Variants in PGR observed in about 807,000 individuals in gnomAD.
PGR encodes progesterone receptor.
Under a neutral mutation model 76.1 loss-of-function variants are expected in PGR, and 25 were observed. The observed-to-expected ratio is 0.33, with a 90% CI of 0.24 to 0.46. PGR has a LOEUF of 0.46. Ranked by LOEUF, PGR falls within the 20% of genes least tolerant of loss-of-function variation. The probability of loss-of-function intolerance (pLI) is 1.00; values close to 1 mark genes in which losing one functional copy is unlikely to be tolerated. For missense variants in PGR, 1,172 were observed against 1,225.3 expected (o/e 0.96, Z 0.65); for synonymous variants, 579 against 535.0 (o/e 1.08, Z -1.14).
At chr11:101,077,473 A>G (rs2135434063) in intron 3 of PGR, among the ~76,000 whole-genome samples, 1 of 152,330 alleles carries the variant, frequency 6.6e-6, no homozygotes, top group Non-Finnish European at 1.5e-5. Context: ...CCAAAACTAT[A>G]CTAGAATTGA....
Position 101,032,275 on chromosome 11 carries a change from C to A in PGR, c.*6841G>T, listed in dbSNP as rs1219797239. 1 of 232,808 alleles carries A rather than the reference C, an allele frequency of 4.3e-6. No homozygotes were observed. The highest frequency in any genetic ancestry group is 8.5e-6 in the Non-Finnish European group (1 of 117,888). 14.4% of individuals were successfully genotyped at this position (232,808 alleles called of 1,614,324 possible). The stretch of plus-strand genomic sequence containing the variant: ...TTCATGTTTATGATCATCATTTTCA[C>A]CAAAATAGTGCAACTTCCTCAAAAA... On this transcript the variant is annotated 3_prime_UTR_variant, in exon 8 of 8. Transcript: ENST00000325455.
chr11:101,037,794 C>A lies in PGR; in HGVS notation c.*1322G>T, dbSNP rs11571279. On this transcript the variant is annotated 3_prime_UTR_variant, in exon 8 of 8. Coordinates refer to ENST00000325455, the MANE Select transcript of PGR (RefSeq NM_000926.4). ...TGCAGAAATGTAACCAAAGAATGAT[C>A]GAAATCTACAGTAATACCAAGACAG... is the stretch of plus-strand genomic sequence containing the variant. 18 of 224,942 alleles carry A rather than the reference C, an allele frequency of 8.0e-5. No individual in the cohort carries two copies. Among genetic ancestry groups the A allele is most frequent in the Non-Finnish European group, 1.4e-4 (16 of 112,966 alleles). The allele number at this position is 224,942 out of a possible 1,614,324, so 13.9% of individuals were successfully genotyped here.
At chr11:101,084,585 G>T (rs577034927) in intron 3 of PGR, among the ~76,000 whole-genome samples, 1 of 151,738 alleles carries the variant, frequency 6.6e-6, no homozygotes, top group Non-Finnish European at 1.5e-5. Context: ...TTGAACCTGG[G>T]AGGTGGAGGT....
intron 2 of PGR, among the ~76,000 whole-genome samples, chr11:101,107,612 T>C (rs1270229212): frequency 1.3e-5 from 2 of 152,172 alleles, no homozygotes; most frequent in African/African-American, 4.8e-5. Flanking sequence ...ATTACAAAAC[T>C]ATTTGTCAAC....
intron 3 of PGR, among the ~76,000 whole-genome samples, chr11:101,084,684 A>T (rs1297412755): frequency 6.6e-6 from 1 of 151,986 alleles, no homozygotes; most frequent in African/African-American, 2.4e-5. Context: ...ACAGAGTGGC[A>T]AACCAGCTAG....
Position 101,041,938 on chromosome 11 carries a change from T to C in PGR, c.2646+7A>G. 4 of 1,607,166 alleles carry C rather than the reference T, an allele frequency of 2.5e-6. No homozygotes were observed. The highest frequency in any genetic ancestry group is 2.6e-6 in the Non-Finnish European group (3 of 1,173,944). ...CATTGATATTCTGGAATCAACCAAA[T>C]ACTTACATCATGCAAGTTATCAAGA... On this transcript the variant is annotated splice_region_variant and intron_variant, in intron 7 of 7. Coordinates refer to ENST00000325455, the MANE Select transcript of PGR (RefSeq NM_000926.4).
At position 101,035,982 on chromosome 11, in the gene PGR, T is replaced by A. The variant is rs1239498494; in HGVS notation, c.*3134A>T. On this transcript the variant is annotated 3_prime_UTR_variant, in exon 8 of 8. Coordinates refer to ENST00000325455, the MANE Select transcript of PGR (RefSeq NM_000926.4). ...GTATACGTTTTTTTTGGTTTCCATT[T>A]CTATTCATTACAAAGCACTTGGGAA... The A allele has an allele frequency of 1.8e-5, 4 of 227,504 alleles. No homozygotes were observed. Among genetic ancestry groups the A allele is most frequent in the Admixed American group, 1.1e-4 (2 of 17,576 alleles). The allele number at this position is 227,504 out of a possible 1,614,324, so 14.1% of individuals were successfully genotyped here.
chr11:101,120,522 T>C lies in PGR; in HGVS notation c.1789+5485A>G, dbSNP rs150869885. 4.1e-4 allele frequency among the ~76,000 whole-genome samples: 62 copies of C among 152,338 alleles called. No homozygotes were observed. In the East Asian group the frequency reaches 6.0e-3, roughly 15 times the overall value. On this transcript the variant is annotated intron_variant, in intron 2 of 7. Coordinates refer to ENST00000325455, the MANE Select transcript of PGR (RefSeq NM_000926.4). ...CTAAATATAATGATTTTTCATATTATGAAATATTAAGCAGTGGTTAAAAAA... is the reference window on the plus strand; with the variant it reads ...CTAAATATAATGATTTTTCATATTACGAAATATTAAGCAGTGGTTAAAAAA...
chr11:101,048,086 T>C (rs1231714296), intron 6 of PGR, among the ~76,000 whole-genome samples: 2 of 152,102 alleles, frequency 1.3e-5, no homozygotes, highest in South Asian at 2.1e-4. Flanking sequence ...TCATGTCCAA[T>C]AGAGGTTTGC....
At position 101,128,658 on chromosome 11, in the gene PGR, C is replaced by CTGGTGA; in HGVS notation, c.407_412dup (p.Thr137_Ser138insIleThr). On this transcript the variant is annotated inframe_insertion, in exon 1 of 8. Transcript: ENST00000325455. ...TTCGGGGCCAAACAGGCACCAAGAG[C>CTGGTGA]TGGTGACCTCGCAGGCGGGAGGGCT... 6.3e-7 allele frequency: 1 copy of CTGGTGA among 1,593,950 alleles called. No homozygotes were observed. Among genetic ancestry groups the CTGGTGA allele is most frequent in the South Asian group, 1.1e-5 (1 of 88,596 alleles).
At position 101,033,216 on chromosome 11, in the gene PGR, T is replaced by C; in HGVS notation, c.*5900A>G. On this transcript the variant is annotated 3_prime_UTR_variant, in exon 8 of 8. Coordinates refer to ENST00000325455, the MANE Select transcript of PGR (RefSeq NM_000926.4). ...TCTGCCATGTGAAAATCTCTTCCTATCCCTAATCATAGCAAATTCAGGGCT... is the reference window on the plus strand; with the variant it reads ...TCTGCCATGTGAAAATCTCTTCCTACCCCTAATCATAGCAAATTCAGGGCT... The C allele has an allele frequency of 4.8e-6, 1 of 208,534 alleles. No individual in the cohort carries two copies. The highest frequency in any genetic ancestry group is 7.3e-5 in the East Asian group (1 of 13,728). 12.9% of individuals were successfully genotyped at this position (208,534 alleles called of 1,614,324 possible). A position where few individuals can be genotyped will look rare whatever the true frequency, so the allele number is the denominator to read the frequency against.
At chr11:101,112,030 G>A (rs1009728936) in intron 2 of PGR, among the ~76,000 whole-genome samples, 2 of 152,142 alleles carry the variant, frequency 1.3e-5, no homozygotes, top group African/African-American at 4.8e-5. Flanking sequence ...GTATTTGCAG[G>A]AAGGTGGAGT....
At chr11:101,088,318 T>C (rs1469551098) in intron 3 of PGR, among the ~76,000 whole-genome samples, 1 of 152,156 alleles carries the variant, frequency 6.6e-6, no homozygotes, top group Non-Finnish European at 1.5e-5. Context: ...GAAATTGGTT[T>C]GAACACTTCT....
At chr11:101,075,178 C>T (rs1190429656) in intron 3 of PGR, among the ~76,000 whole-genome samples, 1 of 152,026 alleles carries the variant, frequency 6.6e-6, no homozygotes, top group African/African-American at 2.4e-5. Context: ...CACACATCTA[C>T]CATCTGATCT....
In PGR at chr11:101,127,958, G is replaced by A; in HGVS notation, c.1113C>T (p.Asp371=). The change falls in exon 1 of 8, where the codon GAC becomes GAT. Residue 371 remains aspartate, a synonymous_variant. Coordinates refer to ENST00000325455, the MANE Select transcript of PGR (RefSeq NM_000926.4). ...AGTCGCTATAGAGAGGGTACGCGTC[G>A]TCCTTGGGCTCGGCGTCGGGCGGGT... The part of the protein sequence containing the change: ...CAYPPDAEPK[D]DAYPLYSDFQ... 3 of 1,612,090 alleles carry A rather than the reference G, an allele frequency of 1.9e-6. No homozygotes were observed. The highest frequency in any genetic ancestry group is 2.5e-6 in the Non-Finnish European group (3 of 1,179,816).
At position 101,120,895 on chromosome 11, in the gene PGR, T is replaced by A. The variant is rs574241180; in HGVS notation, c.1789+5112A>T. Among the ~76,000 whole-genome samples the A allele has an allele frequency of 2.0e-5, 3 of 152,358 alleles. No individual in the cohort carries two copies. In the East Asian group the frequency reaches 5.8e-4, roughly 29 times the overall value. ...TAGCACGCATGGCTAATACCACTGC[T>A]TCTCCTCTGGCTCTTGTAGTGGTAT... is the stretch of plus-strand genomic sequence containing the variant. On this transcript the variant is annotated intron_variant, in intron 2 of 7. Transcript: ENST00000325455.
intron 4 of PGR, among the ~76,000 whole-genome samples, chr11:101,059,561 C>A (rs1012712790): frequency 1.3e-5 from 2 of 151,832 alleles, no homozygotes; most frequent in African/African-American, 4.8e-5. Flanking sequence ...GGGTGGGGTG[C>A]GGTGAGTCAT....
In PGR at chr11:101,129,136, G is replaced by A. The variant is rs1210638449; in HGVS notation, c.-66C>T. 2 of 1,378,430 alleles carry A rather than the reference G, an allele frequency of 1.5e-6. No individual in the cohort carries two copies. The highest frequency in any genetic ancestry group is 2.9e-5 in the African/African-American group (2 of 68,292). The allele number at this position is 1,378,430 out of a possible 1,614,324, so 85.4% of individuals were successfully genotyped here. On this transcript the variant is annotated 5_prime_UTR_variant, in exon 1 of 8. Transcript: ENST00000325455. ...GGAGGGAAAAGGGAAGGAGGAGGGG[G>A]TTTCGGGAATATAGGGGCAGAGGGA...
At chr11:101,112,881 C>A (rs987877589) in intron 2 of PGR, among the ~76,000 whole-genome samples, 2 of 152,126 alleles carry the variant, frequency 1.3e-5, no homozygotes, top group African/African-American at 4.8e-5. Context: ...CTCAGCTCTA[C>A]CATTTTATTT....
Sources: allele counts gnomAD v4.1 joint callset (sites outside exome capture counted in the v4.1 genomes callset), GRCh38; gene constraint gnomAD v4.1.1; transcripts MANE v1.5; gene names NCBI Gene and HGNC (gene_info 2026-07-23, HGNC 2026-07-21).